Variants in PCDH15 observed in about 807,000 individuals in gnomAD.
The protein encoded by PCDH15 is protocadherin-15.
A neutral mutation model predicts 178.5 loss-of-function variants in PCDH15; 129 were observed. That is an observed-to-expected ratio of 0.72 (90% CI 0.63 to 0.84). The LOEUF is 0.84. Ranked by LOEUF, PCDH15 falls within the 40% of genes least tolerant of loss-of-function variation. The pLI, the probability that PCDH15 is intolerant of heterozygous loss-of-function variation, is 0.00. For synonymous variants in PCDH15, 800 were observed against 732.0 expected, an observed-to-expected ratio of 1.09 and a Z score of -1.50; for missense variants, 2,230 against 2,099.9, an observed-to-expected ratio of 1.06 and a Z score of -1.21.
chr10:54,826,882 A>C (rs530467698), intron 3 of PCDH15, among the ~76,000 whole-genome samples: 1 of 152,236 alleles, frequency 6.6e-6, no homozygotes, highest in Admixed American at 6.6e-5. Context: ...ATTGTTCCTA[A>C]CATACTTTTC....
chr10:55,082,679 G>A (rs967586297), intron 2 of PCDH15, among the ~76,000 whole-genome samples: 3 of 150,592 alleles, frequency 2.0e-5, no homozygotes, highest in Non-Finnish European at 4.4e-5. Flanking sequence ...AAAGAAAAAA[G>A]AGAGAAGACT....
chr10:54,302,432 C>T (rs769027418), intron 8 of PCDH15, among the ~76,000 whole-genome samples: 6 of 152,020 alleles, frequency 3.9e-5, no homozygotes, highest in Non-Finnish European at 5.9e-5. Context: ...CTCAAGATGG[C>T]GGTATTAGAA....
chr10:53,850,422 A>T (rs866717285), intron 28 of PCDH15, among the ~76,000 whole-genome samples: 25 of 152,142 alleles, frequency 1.6e-4, no homozygotes, highest in Admixed American at 5.2e-4. Flanking sequence ...TGAGTTAAAG[A>T]CAAGTCATTC....
rs183604904 is a variant in PCDH15, at chr10:54,390,527, C to A, written c.158-11585G>T. On this transcript the variant is annotated intron_variant, in intron 3 of 37. Transcript: ENST00000644397. ...AGCCAGGATGATCTCTATCTCCTGA[C>A]CTCGTGGTCCACCCACCTCGGACTC... Among the ~76,000 whole-genome samples, 6 of 152,266 alleles carry A rather than the reference C, an allele frequency of 3.9e-5. No individual in the cohort carries two copies. In the East Asian group the frequency reaches 9.7e-4, roughly 25 times the overall value.
intron 8 of PCDH15, among the ~76,000 whole-genome samples, chr10:54,271,242 G>A (rs561726216): frequency 3.3e-5 from 5 of 151,820 alleles, no homozygotes; most frequent in Non-Finnish European, 4.4e-5. Flanking sequence ...ACAGAGTGTC[G>A]CTCTGTCACC....
intron 1 of PCDH15, among the ~76,000 whole-genome samples, chr10:54,727,410 A>G (rs146585532): frequency 6.6e-6 from 1 of 151,718 alleles, no homozygotes; most frequent in East Asian, 1.9e-4. Flanking sequence ...TAATGAAACA[A>G]AGATACAACA....
intron 8 of PCDH15, among the ~76,000 whole-genome samples, chr10:54,307,014 A>G (rs1405311890): frequency 0.015 from 670 of 43,292 alleles, 36 homozygotes; most frequent in Middle Eastern, 0.031. Flanking sequence ...ATATATATAT[A>G]CATATATATA....
chr10:54,868,608 A>C (rs758234607), intron 3 of PCDH15, among the ~76,000 whole-genome samples: 1 of 152,230 alleles, frequency 6.6e-6, no homozygotes, highest in African/African-American at 2.4e-5. Flanking sequence ...TCTGTTCACC[A>C]TTCAAAATTT....
In PCDH15 at chr10:55,351,086, C is replaced by CCTT. The variant is rs574478177; in HGVS notation, c.-155-184438_-155-184436dup. 1.7e-3 allele frequency among the ~76,000 whole-genome samples: 236 copies of CCTT among 138,744 alleles called. 3 individuals are homozygous for CCTT. Among genetic ancestry groups the CCTT allele is most frequent in the African/African-American group, 5.6e-3 (212 of 37,536 alleles). 91.0% of individuals were successfully genotyped at this position (138,744 alleles called of 152,430 possible). On this transcript the variant is annotated intron_variant, in intron 2 of 5. Transcript: ENST00000613346. ...GCTGCTGCCTCCTCCTCCTCCTCCT[C>CCTT]CTTCTTCTTCTCCTTCTTCTTCTTC...
At chr10:54,932,657 C>G (rs1837809538) in intron 2 of PCDH15, among the ~76,000 whole-genome samples, 1 of 152,050 alleles carries the variant, frequency 6.6e-6, no homozygotes, top group South Asian at 2.1e-4. Flanking sequence ...CTGTCTCAGC[C>G]TCCTGAGTAG....
chr10:53,957,072 T>C (rs2087683897), intron 23 of PCDH15, among the ~76,000 whole-genome samples: 1 of 152,182 alleles, frequency 6.6e-6, no homozygotes, highest in Admixed American at 6.5e-5. Context: ...GAGGCATATT[T>C]CTATTGACAA....
At chr10:53,911,790 A>C (rs186095495) in intron 25 of PCDH15, among the ~76,000 whole-genome samples, 8 of 152,184 alleles carry the variant, frequency 5.3e-5, no homozygotes, top group Admixed American at 4.6e-4. Flanking sequence ...TCTGAAATTG[A>C]GGCAATAATT....
chr10:54,520,270 C>A lies in PCDH15; in HGVS notation c.157+7542G>T, dbSNP rs868132679. Among the ~76,000 whole-genome samples, 250 of 152,102 alleles carry A rather than the reference C, an allele frequency of 1.6e-3. 1 individual carries two copies. The highest frequency in any genetic ancestry group is 5.2e-3 in the African/African-American group (216 of 41,482). Reference sequence around the variant, plus strand: ...GCAAAAGAAACTACCATCAGAGTGACCAGGCAACCTACAAAATGGGAGAAA... The same window carrying A: ...GCAAAAGAAACTACCATCAGAGTGAACAGGCAACCTACAAAATGGGAGAAA... On this transcript the variant is annotated intron_variant, in intron 3 of 37. Coordinates refer to ENST00000644397, the MANE Select transcript of PCDH15 (RefSeq NM_001384140.1).
intron 2 of PCDH15, among the ~76,000 whole-genome samples, chr10:54,997,535 G>A (rs896334577): frequency 1.3e-5 from 2 of 152,124 alleles, no homozygotes; most frequent in Non-Finnish European, 2.9e-5. Flanking sequence ...AAATATCAGA[G>A]TTCGGCACAG....
At chr10:53,908,477 C>A (rs192706943) in intron 25 of PCDH15, among the ~76,000 whole-genome samples, 408 of 152,292 alleles carry the variant, frequency 2.7e-3, no homozygotes, top group Middle Eastern at 0.014. Flanking sequence ...TGGTTATACT[C>A]TTTTTTGACT....
chr10:55,467,732 A>C (rs1839861721), intron 2 of PCDH15, among the ~76,000 whole-genome samples: 1 of 151,856 alleles, frequency 6.6e-6, no homozygotes, highest in Non-Finnish European at 1.5e-5. Flanking sequence ...TTGGGAGGTC[A>C]AGGCAGGCGG....
chr10:55,332,458 C>T (rs1565019069), intron 2 of PCDH15, among the ~76,000 whole-genome samples: 1 of 152,082 alleles, frequency 6.6e-6, no homozygotes, highest in Non-Finnish European at 1.5e-5. Flanking sequence ...TAGATCAAAT[C>T]CATAACTTCC....
intron 2 of PCDH15, among the ~76,000 whole-genome samples, chr10:54,563,398 T>C (rs1436787631): frequency 6.6e-6 from 1 of 152,020 alleles, no homozygotes; most frequent in African/African-American, 2.4e-5. Flanking sequence ...AGTAATTGCC[T>C]AAGTATCTGG....
chr10:54,056,867 C>G (rs1199258241), intron 18 of PCDH15, among the ~76,000 whole-genome samples: 1 of 152,162 alleles, frequency 6.6e-6, no homozygotes, highest in African/African-American at 2.4e-5. Context: ...ACTGGGGATA[C>G]AGGCATTGGG....
Sources: allele counts gnomAD v4.1 joint callset (sites outside exome capture counted in the v4.1 genomes callset), GRCh38; gene constraint gnomAD v4.1.1; transcripts MANE v1.5; gene names NCBI Gene and HGNC (gene_info 2026-07-23, HGNC 2026-07-21).